Variants in PHF20 observed in about 807,000 individuals in gnomAD.
PHF20 encodes the protein PHD finger protein 20.
Under a neutral mutation model 113.5 loss-of-function variants are expected in PHF20, and 23 were observed. That is an observed-to-expected ratio of 0.20 (90% CI 0.15 to 0.29). PHF20 has a LOEUF of 0.29. PHF20 is among the 10% of genes least tolerant of loss of function. The pLI, the probability that PHF20 is intolerant of heterozygous loss-of-function variation, is 1.00. For missense variants in PHF20, 943 were observed against 1,219.6 expected (o/e 0.77, Z 3.38); for synonymous variants, 434 against 457.3 (o/e 0.95, Z 0.65).
chr20:35,822,732 G>C (rs2042191360), intron 2 of PHF20, among the ~76,000 whole-genome samples: 2 of 151,358 alleles, frequency 1.3e-5, no homozygotes, highest in Admixed American at 1.3e-4. Flanking sequence ...TAGCTACTTG[G>C]GAGGCTGAGG....
rs1052197863 is a variant in PHF20 at position 35,807,885 on chromosome 20, GT to G, written c.83+6282del. ...GATATTGTAATTTTGTTTTTTAAGA[GT>G]TCTTATTTCTTAGAGATTATATACC... On this transcript the variant is annotated intron_variant, in intron 2 of 17. Transcript: ENST00000374012. 7.5e-4 allele frequency among the ~76,000 whole-genome samples: 114 copies of G among 152,046 alleles called. 2 individuals are homozygous for G. Among genetic ancestry groups the G allele is most frequent in the African/African-American group, 2.6e-3 (109 of 41,378 alleles).
chr20:35,822,744 G>A (rs1458208947), intron 2 of PHF20, among the ~76,000 whole-genome samples: 1 of 150,962 alleles, frequency 6.6e-6, no homozygotes, highest in African/African-American at 2.4e-5. Context: ...AGGCTGAGGT[G>A]GGAGGATCGC....
chr20:35,920,699 C>A (rs2055494974), intron 13 of PHF20, among the ~76,000 whole-genome samples: 2 of 152,108 alleles, frequency 1.3e-5, no homozygotes, highest in South Asian at 4.1e-4. Context: ...GCCTGGCTGA[C>A]CAACCCTTCC....
At chr20:35,927,660 G>A in intron 13 of PHF20, 120 bp from the exon 14 acceptor site, 3 of 755,794 alleles carry the variant, frequency 4.0e-6, no homozygotes, top group Non-Finnish European at 7.1e-6. Context: ...TCAGGAGGGA[G>A]TGCTCCTTCC....
At chr20:35,805,351 TTTTTTATTA>T (rs879341134) in intron 2 of PHF20, among the ~76,000 whole-genome samples, 2,518 of 127,960 alleles carry the variant, frequency 0.02, 36 homozygotes, top group Non-Finnish European at 0.026. Flanking sequence ...CCACGCCTGA[TTTTTTATTA>T]TTATTATTAT....
At position 35,863,107 on chromosome 20, in the gene PHF20, C is replaced by A. The variant is rs752558724; in HGVS notation, c.515C>A (p.Ala172Glu). The A allele has an allele frequency of 1.2e-6, 2 of 1,612,794 alleles. No homozygotes were observed. The highest frequency in any genetic ancestry group is 1.7e-6 in the Non-Finnish European group (2 of 1,179,532). The change falls in exon 6 of 18, where the codon GCA becomes GAA. Residue 172 changes from alanine to glutamate, a missense_variant. Transcript: ENST00000374012. ...KREKFKEQRK[A>E]TVNVKKDKED... ...GAGAAGTTTAAAGAACAGAGAAAAGCAACAGTGAATGTGAAGAAAGACAAA... is the reference window on the plus strand; with the variant it reads ...GAGAAGTTTAAAGAACAGAGAAAAGAAACAGTGAATGTGAAGAAAGACAAA...
chr20:35,792,332 C>T (rs537276424), intron 1 of PHF20, among the ~76,000 whole-genome samples: 1 of 152,108 alleles, frequency 6.6e-6, no homozygotes, highest in African/African-American at 2.4e-5. Flanking sequence ...GGATTACAGG[C>T]ACCTGCCACC....
chr20:35,887,484 T>A lies in PHF20; in HGVS notation c.1283-11886T>A, dbSNP rs530600873. Among the ~76,000 whole-genome samples the A allele has an allele frequency of 5.9e-4, 90 of 152,322 alleles. No homozygotes were observed. The South Asian group carries it at 0.018, about 31-fold the overall frequency. On this transcript the variant is annotated intron_variant, in intron 9 of 17. Coordinates refer to ENST00000374012, the MANE Select transcript of PHF20 (RefSeq NM_016436.5). ...CTGTCAGACTGAGGGCCTTGGTTTT[T>A]GCTGGTGCACTCAGTTCCTTGCTTC...
chr20:35,936,513 G>A (rs1333503018), intron 15 of PHF20, among the ~76,000 whole-genome samples: 1 of 152,190 alleles, frequency 6.6e-6, no homozygotes, highest in Admixed American at 6.5e-5. Context: ...ATACATGGAG[G>A]CACAGCTTTC....
chr20:35,884,870 G>A (rs573560459), intron 9 of PHF20, among the ~76,000 whole-genome samples: 4 of 151,688 alleles, frequency 2.6e-5, no homozygotes, highest in Non-Finnish European at 5.9e-5. Flanking sequence ...TCACTCTTTC[G>A]CCCAAGCTGG....
At chr20:35,893,251 AGATTATTAGTCT>A (rs1192315740) in intron 9 of PHF20, among the ~76,000 whole-genome samples, 1 of 152,072 alleles carries the variant, frequency 6.6e-6, no homozygotes, top group Non-Finnish European at 1.5e-5. Flanking sequence ...CTAGATTGGC[AGATTATTAGTCT>A]GATTATTAGT....
chr20:35,850,110 G>C (rs544265172), intron 4 of PHF20, among the ~76,000 whole-genome samples: 5 of 152,248 alleles, frequency 3.3e-5, no homozygotes, highest in Non-Finnish European at 7.3e-5. Flanking sequence ...TGGTTCTTCA[G>C]CAGTGGAGAT....
At chr20:35,891,236 GC>G (rs1042018225) in intron 9 of PHF20, among the ~76,000 whole-genome samples, 3 of 152,102 alleles carry the variant, frequency 2.0e-5, no homozygotes, top group Admixed American at 6.6e-5. Flanking sequence ...AATTAGCTGG[GC>G]GTGATGGCAG....
intron 2 of PHF20, among the ~76,000 whole-genome samples, chr20:35,825,963 G>C (rs2042253740): frequency 6.6e-6 from 1 of 152,100 alleles, no homozygotes; most frequent in Non-Finnish European, 1.5e-5. Context: ...ACCATTATGG[G>C]CACTCCGGAA....
chr20:35,806,940 TGCCTG>T (rs2041894060), intron 2 of PHF20, among the ~76,000 whole-genome samples: 1 of 151,774 alleles, frequency 6.6e-6, no homozygotes, highest in African/African-American at 2.4e-5. Flanking sequence ...GGACTACAGG[TGCCTG>T]CCACCACGCC....
At chr20:35,808,867 T>A (rs1185031974) in intron 2 of PHF20, among the ~76,000 whole-genome samples, 2 of 151,140 alleles carry the variant, frequency 1.3e-5, no homozygotes, top group Non-Finnish European at 3.0e-5. Context: ...CCACCGCACC[T>A]GGCCCCAATT....
chr20:35,885,467 CTTTTTTTT>C (rs577878410), intron 9 of PHF20, among the ~76,000 whole-genome samples: 153 of 35,702 alleles, frequency 4.3e-3, no homozygotes, highest in Middle Eastern at 0.016. Flanking sequence ...GGGGAATAAG[CTTTTTTTT>C]TTTTTTTTTT....
intron 10 of PHF20, among the ~76,000 whole-genome samples, chr20:35,910,615 T>TGTG (rs1437697355): frequency 6.6e-6 from 1 of 151,718 alleles, no homozygotes; most frequent in Non-Finnish European, 1.5e-5. Context: ...TACTGTTACT[T>TGTG]GTGGTGTGTT....
At chr20:35,827,246 C>T (rs2042277565) in intron 2 of PHF20, among the ~76,000 whole-genome samples, 1 of 151,982 alleles carries the variant, frequency 6.6e-6, no homozygotes, top group Admixed American at 6.6e-5. Flanking sequence ...GGATTACAGG[C>T]ATGCGCCACC....
Sources: allele counts gnomAD v4.1 joint callset (sites outside exome capture counted in the v4.1 genomes callset), GRCh38; gene constraint gnomAD v4.1.1; transcripts MANE v1.5; gene names NCBI Gene and HGNC (gene_info 2026-07-23, HGNC 2026-07-21).